ZNF618: variants seen among roughly 807,000 people sequenced by gnomAD.
ZNF618 encodes neural precursor cell expressed, developmentally down-regulated 10.
ZNF618 carries 34 observed loss-of-function variants against 103.0 expected under a neutral mutation model. That is an observed-to-expected ratio of 0.33 (90% CI 0.25 to 0.44). The LOEUF is 0.44. ZNF618 is among the 20% of genes least tolerant of loss of function. ZNF618 has a pLI of 1.00. For synonymous variants in ZNF618, 551 were observed against 542.2 expected (o/e 1.02, Z -0.23); for missense variants, 1,059 against 1,295.4 (o/e 0.82, Z 2.80).
At position 113,981,977 on chromosome 9, in the gene ZNF618, T is replaced by A. The variant is rs1424639116; in HGVS notation, c.78-6344T>A. Among the ~76,000 whole-genome samples, 8 of 151,864 alleles carry A rather than the reference T, an allele frequency of 5.3e-5. No individual in the cohort carries two copies. In the East Asian group the frequency reaches 1.4e-3, roughly 26 times the overall value. ...AGCATGATGAGGTGGGCATGAGCTC[T>A]GTGAAGAACTGTCAGGTGAGACCCA... On this transcript the variant is annotated intron_variant, in intron 2 of 14. Coordinates refer to ENST00000374126, the MANE Select transcript of ZNF618 (RefSeq NM_001318042.2).
chr9:113,975,884 G>T (rs1838421283), intron 2 of ZNF618, among the ~76,000 whole-genome samples: 1 of 152,006 alleles, frequency 6.6e-6, no homozygotes, highest in Admixed American at 6.6e-5. Flanking sequence ...TTCATTTCTA[G>T]AAATGTATTT....
At chr9:113,910,609 T>C (rs1263498984) in intron 1 of ZNF618, among the ~76,000 whole-genome samples, 1 of 152,186 alleles carries the variant, frequency 6.6e-6, no homozygotes, top group Non-Finnish European at 1.5e-5. Context: ...TCTTCCACCA[T>C]TACATTTTTA....
chr9:113,940,899 T>C (rs1266625310), intron 1 of ZNF618, among the ~76,000 whole-genome samples: 2 of 152,200 alleles, frequency 1.3e-5, no homozygotes, highest in African/African-American at 4.8e-5. Flanking sequence ...AATTTATATA[T>C]CGTTCATATT....
intron 1 of ZNF618, among the ~76,000 whole-genome samples, chr9:113,887,603 G>A (rs1486182009): frequency 6.6e-6 from 1 of 152,158 alleles, no homozygotes; most frequent in Non-Finnish European, 1.5e-5. Context: ...TCTGCTTCCT[G>A]TAATGATTTG....
At chr9:113,909,622 A>G (rs1264530120) in intron 1 of ZNF618, among the ~76,000 whole-genome samples, 2 of 152,044 alleles carry the variant, frequency 1.3e-5, no homozygotes, top group East Asian at 3.9e-4. Context: ...TGAAGGTGCC[A>G]CCGTCTCAGG....
intron 1 of ZNF618, among the ~76,000 whole-genome samples, chr9:113,946,563 A>G (rs2132172713): frequency 6.6e-6 from 1 of 152,174 alleles, no homozygotes; most frequent in South Asian, 2.1e-4. Flanking sequence ...CAGACACCGC[A>G]CCTAGAGGAA....
rs758308433 is a variant in ZNF618 at position 114,049,202 on chromosome 9, C to A, written c.1900C>A (p.Arg634Ser). Residue 634 changes from arginine to serine, a missense_variant, in exon 15 of 15, where the codon CGC becomes AGC. Coordinates refer to ENST00000374126, the MANE Select transcript of ZNF618 (RefSeq NM_001318042.2). The stretch of plus-strand genomic sequence containing the variant: ...CTTCTCCAAGGCCGGCATGTGCCTT[C>A]GCTGCTCAGCCTGTGCCTTGAACTC... ...SAFSKAGMCL[R>S]CSACALNSVV... The A allele has an allele frequency of 6.2e-7, 1 of 1,613,518 alleles. No individual in the cohort carries two copies. Among genetic ancestry groups the A allele is most frequent in the Admixed American group, 1.7e-5 (1 of 60,008 alleles).
chr9:113,968,121 C>A (rs1837592369), intron 1 of ZNF618, among the ~76,000 whole-genome samples: 1 of 152,166 alleles, frequency 6.6e-6, no homozygotes. Flanking sequence ...GGCAGCAGAA[C>A]TTGACCTGAA....
At chr9:113,973,645 C>T (rs1564240687) in intron 2 of ZNF618, among the ~76,000 whole-genome samples, 1 of 152,166 alleles carries the variant, frequency 6.6e-6, no homozygotes. Context: ...TCCAGCCAAA[C>T]CCCACTTATT....
intron 1 of ZNF618, among the ~76,000 whole-genome samples, chr9:113,962,255 C>T (rs978332063): frequency 1.3e-5 from 2 of 152,110 alleles, no homozygotes; most frequent in African/African-American, 4.8e-5. Flanking sequence ...ATGTCATACC[C>T]CACATCTAAT....
chr9:114,002,568 G>A, intron 5 of ZNF618, 56 bp from the exon 6 acceptor site: 1 of 1,581,544 alleles, frequency 6.3e-7, no homozygotes, highest in Non-Finnish European at 8.6e-7. Context: ...ACTTGGCACT[G>A]GCCCTGTCAT....
chr9:113,897,251 A>G (rs1830110364), intron 1 of ZNF618, among the ~76,000 whole-genome samples: 1 of 152,224 alleles, frequency 6.6e-6, no homozygotes, highest in Admixed American at 6.5e-5. Context: ...TCATATATGA[A>G]TGGCAGTTTG....
intron 1 of ZNF618, among the ~76,000 whole-genome samples, chr9:113,890,611 C>T (rs995619707): frequency 1.3e-5 from 2 of 152,216 alleles, no homozygotes; most frequent in Admixed American, 6.5e-5. Context: ...GTGATCATCT[C>T]CTTAACATCA....
rs150248279 is a variant in ZNF618, at chr9:114,026,460, C to T, written c.845-2273C>T. Among the ~76,000 whole-genome samples the T allele has an allele frequency of 7.2e-5, 11 of 152,330 alleles. No homozygotes were observed. The East Asian group carries it at 1.4e-3, about 19-fold the overall frequency. ...TAGACTCTGTAACGGGCTGATCCAA[C>T]GGGGCTCCTAGAGTCATTCTGCAAG... On this transcript the variant is annotated intron_variant, in intron 10 of 14. Transcript: ENST00000374126.
intron 1 of ZNF618, among the ~76,000 whole-genome samples, chr9:113,957,295 C>T (rs747831528): frequency 7.2e-5 from 11 of 152,132 alleles, no homozygotes; most frequent in Non-Finnish European, 1.5e-4. Context: ...ACCCAACAGC[C>T]GTGGGATGGG....
intron 13 of ZNF618, 56 bp from the exon 14 acceptor site, chr9:114,047,837 T>A: frequency 6.8e-7 from 1 of 1,470,996 alleles, no homozygotes; most frequent in Non-Finnish European, 9.3e-7. Context: ...CTCATCTCGT[T>A]CCTCAACAGG....
At chr9:113,946,306 G>A (rs1007321752) in intron 1 of ZNF618, among the ~76,000 whole-genome samples, 44 of 151,970 alleles carry the variant, frequency 2.9e-4, no homozygotes, top group Non-Finnish European at 5.9e-4. Context: ...AAAGAGGGGC[G>A]GTGGCTTGCC....
At chr9:113,997,589 T>C (rs1465632261) in intron 3 of ZNF618, among the ~76,000 whole-genome samples, 1 of 152,206 alleles carries the variant, frequency 6.6e-6, no homozygotes, top group African/African-American at 2.4e-5. Flanking sequence ...GAGAAACCCC[T>C]GAGCCAGGAC....
In ZNF618 at chr9:113,938,729, C is replaced by T. The variant is rs752204286; in HGVS notation, c.34-30388C>T. Reference sequence around the variant, plus strand: ...AATTACAGGCATGTACCACCATGCCCGGCTAATGTTTTGTATTTTTAGTAG... The same window carrying T: ...AATTACAGGCATGTACCACCATGCCTGGCTAATGTTTTGTATTTTTAGTAG... On this transcript the variant is annotated intron_variant, in intron 1 of 14. Transcript: ENST00000374126. Among the ~76,000 whole-genome samples the T allele has an allele frequency of 1.8e-4, 28 of 151,952 alleles. 1 individual carries two copies. The highest frequency in any genetic ancestry group is 1.0e-3 in the Admixed American group (16 of 15,264).
Sources: gnomAD v4.1 joint callset for allele counts (sites outside exome capture counted in the v4.1 genomes callset) on GRCh38, gnomAD v4.1.1 for gene constraint, MANE v1.5 for transcripts, NCBI Gene and HGNC (gene_info 2026-07-23, HGNC 2026-07-21) for gene names.